The following FAM107B variants were observed in gnomAD, a reference collection of about 807,000 sequenced individuals.
The protein encoded by FAM107B is protein FAM107B.
FAM107B carries 21 observed loss-of-function variants against 31.5 expected under a neutral mutation model. The ratio of observed to expected loss-of-function variants is 0.67; its 90% CI spans 0.47 to 0.96. FAM107B has a LOEUF of 0.96. Ranked by LOEUF, FAM107B falls within the 40% of genes least tolerant of loss-of-function variation. The pLI is 0.00. For synonymous variants in FAM107B, 157 were observed against 141.5 expected, an observed-to-expected ratio of 1.11 and a Z score of -0.78; for missense variants, 452 against 377.1, an observed-to-expected ratio of 1.20 and a Z score of -1.64.
At chr10:14,630,586 G>A (rs1421143993) in intron 2 of FAM107B, among the ~76,000 whole-genome samples, 4 of 152,260 alleles carry the variant, frequency 2.6e-5, no homozygotes, top group Non-Finnish European at 5.9e-5. Context: ...AACTTTAGGA[G>A]GCTGAGGTGG....
intron 1 of FAM107B, among the ~76,000 whole-genome samples, chr10:14,767,022 A>ATG (rs200871883): frequency 1.0e-3 from 39 of 38,612 alleles, no homozygotes; most frequent in Non-Finnish European, 1.6e-3. Context: ...CCTGATGTGT[A>ATG]TGTATATATA....
At chr10:14,701,023 A>G (rs957358481) in intron 1 of FAM107B, among the ~76,000 whole-genome samples, 3 of 151,938 alleles carry the variant, frequency 2.0e-5, no homozygotes, top group African/African-American at 7.3e-5. Flanking sequence ...TTTCCTTGGA[A>G]AACACTCTCT....
intron 2 of FAM107B, among the ~76,000 whole-genome samples, chr10:14,544,808 G>C (rs1237559796): frequency 1.3e-5 from 2 of 152,128 alleles, no homozygotes; most frequent in Admixed American, 6.5e-5. Flanking sequence ...TCCATTATTA[G>C]AATAAATAAT....
In FAM107B at chr10:14,774,403, G is replaced by A. The variant is rs756365470; in HGVS notation, c.261C>T (p.Gly87=). 3.7e-6 allele frequency: 6 copies of A among 1,614,210 alleles called. No homozygotes were observed. In the South Asian group the frequency reaches 6.6e-5, roughly 18 times the overall value. Residue 87 remains glycine, a synonymous_variant, in exon 1 of 5, where the codon GGC becomes GGT. Transcript: ENST00000181796. The part of the protein sequence containing the change: ...QDSSTHAERN[G]SANRNSSHRT... ...GGTGACTTGAATTCCGATTCGCACT[G>A]CCATTTCTCTCTGCATGGGTGCTCG...
At chr10:14,588,147 TAGTC>T (rs1490808290) in intron 2 of FAM107B, among the ~76,000 whole-genome samples, 1 of 152,050 alleles carries the variant, frequency 6.6e-6, no homozygotes, top group South Asian at 2.1e-4. Flanking sequence ...TTTTTGAAAT[TAGTC>T]AGCCATGTGC....
intron 1 of FAM107B, among the ~76,000 whole-genome samples, chr10:14,677,635 A>G (rs1588700034): frequency 6.9e-6 from 1 of 145,888 alleles, no homozygotes; most frequent in South Asian, 2.2e-4. Flanking sequence ...AACAAAAAAG[A>G]AAAAAAAAAA....
At chr10:14,635,663 G>A (rs947656150) in intron 2 of FAM107B, among the ~76,000 whole-genome samples, 8 of 151,868 alleles carry the variant, frequency 5.3e-5, no homozygotes, top group East Asian at 1.9e-4. Context: ...ATGCAGTCTC[G>A]TTCTGTCACC....
At chr10:14,704,481 G>C (rs1438603837) in intron 1 of FAM107B, among the ~76,000 whole-genome samples, 2 of 152,196 alleles carry the variant, frequency 1.3e-5, no homozygotes, top group Non-Finnish European at 2.9e-5. Context: ...TCTACCCAGA[G>C]ACAGGTCTCT....
intron 1 of FAM107B, among the ~76,000 whole-genome samples, chr10:14,763,761 C>T (rs1489091299): frequency 6.6e-6 from 1 of 152,180 alleles, no homozygotes; most frequent in African/African-American, 2.4e-5. Context: ...AGTCTGACCC[C>T]ACCTAAAGCA....
chr10:14,651,225 C>T (rs1334321440), intron 2 of FAM107B, among the ~76,000 whole-genome samples: 1 of 152,198 alleles, frequency 6.6e-6, no homozygotes, highest in Non-Finnish European at 1.5e-5. Flanking sequence ...TGGGCTATAA[C>T]TGCACTTGAC....
intron 1 of FAM107B, among the ~76,000 whole-genome samples, chr10:14,732,338 C>T (rs1856193632): frequency 6.6e-6 from 1 of 152,162 alleles, no homozygotes. Flanking sequence ...AATTAATCAA[C>T]TTGTCAGGGA....
chr10:14,584,313 T>C (rs758720887), intron 2 of FAM107B, among the ~76,000 whole-genome samples: 11 of 152,088 alleles, frequency 7.2e-5, no homozygotes, highest in Non-Finnish European at 1.6e-4. Context: ...GCCAACCAGA[T>C]ATGGAAAAAC....
At chr10:14,573,977 C>T (rs981669779) in intron 2 of FAM107B, among the ~76,000 whole-genome samples, 1 of 136,138 alleles carries the variant, frequency 7.3e-6, no homozygotes, top group East Asian at 2.2e-4. Context: ...ATAATCTACC[C>T]TTCCCATGAC....
chr10:14,670,015 A>G (rs1854503860), intron 1 of FAM107B, among the ~76,000 whole-genome samples: 1 of 152,236 alleles, frequency 6.6e-6, no homozygotes, highest in African/African-American at 2.4e-5. Context: ...CATTCTATGC[A>G]TGTAAAAAAA....
intron 1 of FAM107B, among the ~76,000 whole-genome samples, chr10:14,767,067 G>T (rs368363932): frequency 0.017 from 822 of 49,448 alleles, no homozygotes; most frequent in Non-Finnish European, 0.024. Context: ...GAGAGAGAGA[G>T]AGAGAGAGAG....
chr10:14,557,073 G>A (rs188227102), intron 2 of FAM107B, among the ~76,000 whole-genome samples: 145 of 152,210 alleles, frequency 9.5e-4, no homozygotes, highest in African/African-American at 3.4e-3. Flanking sequence ...CCTGACCCCT[G>A]GCTCTTCCTC....
At chr10:14,767,047 TATATATATAGAG>T (rs1415006148) in intron 1 of FAM107B, among the ~76,000 whole-genome samples, 63 of 38,222 alleles carry the variant, frequency 1.6e-3, no homozygotes, top group African/African-American at 4.9e-3. Context: ...TATATATATA[TATATATATAGAG>T]AGAGAGAGAG....
At chr10:14,685,921 C>G (rs764111395) in intron 1 of FAM107B, among the ~76,000 whole-genome samples, 9 of 152,126 alleles carry the variant, frequency 5.9e-5, no homozygotes, top group Admixed American at 1.3e-4. Context: ...CAAGCCTTGT[C>G]TTACGTGGCA....
chr10:14,680,473 C>G (rs1854804885), intron 1 of FAM107B, among the ~76,000 whole-genome samples: 1 of 151,636 alleles, frequency 6.6e-6, no homozygotes, highest in South Asian at 2.1e-4. Flanking sequence ...ACTCGGGAGG[C>G]TGAGGCAGGA....
Sources: allele counts gnomAD v4.1 joint callset (sites outside exome capture counted in the v4.1 genomes callset), GRCh38; gene constraint gnomAD v4.1.1; transcripts MANE v1.5; gene names NCBI Gene and HGNC (gene_info 2026-07-23, HGNC 2026-07-21).